Variants in EXOC6B observed in about 807,000 individuals in gnomAD.
The protein encoded by EXOC6B is exocyst complex component 6B, also known as SEC15 homolog B.
A neutral mutation model predicts 113.5 loss-of-function variants in EXOC6B; 54 were observed. The observed-to-expected ratio is 0.48, with a 90% confidence interval of 0.38 to 0.60. The LOEUF (loss-of-function observed/expected upper bound fraction) is 0.60, where lower values mean the gene tolerates loss of function less well. EXOC6B is among the 20% of genes least tolerant of loss of function. The pLI is 0.00. For synonymous variants in EXOC6B, 357 were observed against 339.0 expected, an observed-to-expected ratio of 1.05 and a Z score of -0.58; for missense variants, 797 against 977.5, an observed-to-expected ratio of 0.82 and a Z score of 2.46.
chr2:72,732,563 A>G (rs1187901739), intron 3 of EXOC6B, among the ~76,000 whole-genome samples: 1 of 152,208 alleles, frequency 6.6e-6, no homozygotes, highest in Non-Finnish European at 1.5e-5. Context: ...AAAGCAAACA[A>G]AAATTCCTAA....
intron 20 of EXOC6B, among the ~76,000 whole-genome samples, chr2:72,312,210 A>G (rs1231062850): frequency 6.6e-6 from 1 of 152,128 alleles, no homozygotes; most frequent in Non-Finnish European, 1.5e-5. Context: ...AGCTTGCAAC[A>G]TCTAGATGGT....
chr2:72,453,492 C>T (rs1025806423), intron 18 of EXOC6B, among the ~76,000 whole-genome samples: 1 of 152,064 alleles, frequency 6.6e-6, no homozygotes, highest in Non-Finnish European at 1.5e-5. Context: ...ACTTTTTTCT[C>T]ACTATGAACA....
At chr2:72,586,500 T>C (rs748193683) in intron 6 of EXOC6B, among the ~76,000 whole-genome samples, 4 of 151,960 alleles carry the variant, frequency 2.6e-5, no homozygotes, top group Non-Finnish European at 5.9e-5. Flanking sequence ...AGCCTGTAAT[T>C]CCAGCACTTT....
chr2:72,377,940 G>A (rs1290320172), intron 19 of EXOC6B, among the ~76,000 whole-genome samples: 2 of 148,666 alleles, frequency 1.3e-5, no homozygotes, highest in Non-Finnish European at 2.9e-5. Flanking sequence ...AACAACAAAT[G>A]TACATGATGA....
At chr2:72,802,486 A>C (rs1685341942) in intron 1 of EXOC6B, among the ~76,000 whole-genome samples, 1 of 152,154 alleles carries the variant, frequency 6.6e-6, no homozygotes, top group Non-Finnish European at 1.5e-5. Context: ...TATAAATTGA[A>C]CCATTTTAAA....
rs202201931 is a variant in EXOC6B, at chr2:72,495,436, T to C, written c.1547A>G (p.His516Arg). The change falls in exon 15 of 22, where the codon CAT becomes CGT. Residue 516 changes from histidine to arginine, a missense_variant. Physicochemically the swap from His to Arg is conservative, Grantham distance 29 (BLOSUM62 0). Transcript: ENST00000272427. ...YACLKFSEDL[H>R]LSSTEVDDMI... The stretch of plus-strand genomic sequence containing the variant: ...CTACTATTTTGTATTATACCTTAGA[T>C]GAAGATCTTCTGAAAACTTCAGACA... 2.2e-4 allele frequency: 339 copies of C among 1,521,836 alleles called. 1 individual carries two copies. The highest frequency in any genetic ancestry group is 2.7e-4 in the Non-Finnish European group (294 of 1,102,056). 94.3% of individuals were successfully genotyped at this position (1,521,836 alleles called of 1,614,324 possible).
chr2:72,476,004 G>A (rs1186100780), intron 17 of EXOC6B, among the ~76,000 whole-genome samples: 1 of 152,218 alleles, frequency 6.6e-6, no homozygotes, highest in Non-Finnish European at 1.5e-5. Context: ...CCAGGATAAT[G>A]CGCTATCTGT....
intron 18 of EXOC6B, among the ~76,000 whole-genome samples, chr2:72,437,461 A>C (rs540986735): frequency 6.6e-6 from 1 of 152,336 alleles, no homozygotes; most frequent in Admixed American, 6.5e-5. Flanking sequence ...CAGAGCTGGC[A>C]GGCAGGAATA....
At chr2:72,329,748 C>T (rs1688327919) in intron 20 of EXOC6B, among the ~76,000 whole-genome samples, 1 of 152,048 alleles carries the variant, frequency 6.6e-6, no homozygotes, top group African/African-American at 2.4e-5. Flanking sequence ...TCAAGTTTTC[C>T]TAACGGGTGT....
chr2:72,408,877 A>G (rs2105211012), intron 18 of EXOC6B, among the ~76,000 whole-genome samples: 1 of 152,366 alleles, frequency 6.6e-6, no homozygotes, highest in South Asian at 2.1e-4. Flanking sequence ...GGATCTCATT[A>G]AACTAAAGAG....
chr2:72,294,758 A>C (rs530016354), intron 20 of EXOC6B, among the ~76,000 whole-genome samples: 5 of 152,264 alleles, frequency 3.3e-5, no homozygotes, highest in African/African-American at 1.2e-4. Flanking sequence ...ATCTCAATTC[A>C]ATTTTTTAAA....
At chr2:72,499,250 A>T (rs1267423338) in intron 12 of EXOC6B, among the ~76,000 whole-genome samples, 1 of 149,978 alleles carries the variant, frequency 6.7e-6, no homozygotes, top group Non-Finnish European at 1.5e-5. Context: ...TTTTTTTTTA[A>T]GACAGAGTTT....
intron 1 of EXOC6B, among the ~76,000 whole-genome samples, chr2:72,821,765 G>C (rs1686593105): frequency 6.6e-6 from 1 of 152,116 alleles, no homozygotes; most frequent in Non-Finnish European, 1.5e-5. Flanking sequence ...CCAAACCCAT[G>C]AAGAAAAGTA....
At chr2:72,346,084 T>A (rs1380757026) in intron 19 of EXOC6B, among the ~76,000 whole-genome samples, 37 of 152,128 alleles carry the variant, frequency 2.4e-4, no homozygotes, top group Non-Finnish European at 1.5e-5. Flanking sequence ...TTTTTTTTAA[T>A]AGGAAATGTG....
chr2:72,778,561 A>ATG (rs1573781836), intron 1 of EXOC6B, among the ~76,000 whole-genome samples: 1 of 152,218 alleles, frequency 6.6e-6, no homozygotes, highest in East Asian at 1.9e-4. Context: ...CTAGTTACCA[A>ATG]AAAAGTACCA....
At chr2:72,582,798 G>GA (rs1705308178) in intron 6 of EXOC6B, among the ~76,000 whole-genome samples, 1 of 152,130 alleles carries the variant, frequency 6.6e-6, no homozygotes, top group East Asian at 1.9e-4. Context: ...AAAATTTAGG[G>GA]TTGGGGAGTG....
At chr2:72,749,942 T>C (rs1573735395) in intron 1 of EXOC6B, among the ~76,000 whole-genome samples, 1 of 151,960 alleles carries the variant, frequency 6.6e-6, no homozygotes, top group East Asian at 1.9e-4. Flanking sequence ...AGTAACCTCA[T>C]TTGTAGATGT....
At chr2:72,538,492 A>C (rs1362130723) in intron 8 of EXOC6B, among the ~76,000 whole-genome samples, 2 of 152,212 alleles carry the variant, frequency 1.3e-5, no homozygotes, top group African/African-American at 4.8e-5. Flanking sequence ...ATGCAAATCA[A>C]AATTATTAAT....
intron 8 of EXOC6B, among the ~76,000 whole-genome samples, chr2:72,529,507 T>C (rs1015811540): frequency 1.3e-5 from 2 of 152,232 alleles, no homozygotes; most frequent in Non-Finnish European, 2.9e-5. Context: ...CCTCCATTTC[T>C]GATTTCTGTA....
Sources: gnomAD v4.1 joint callset for allele counts (sites outside exome capture counted in the v4.1 genomes callset) on GRCh38, gnomAD v4.1.1 for gene constraint, MANE v1.5 for transcripts, NCBI Gene and HGNC (gene_info 2026-07-23, HGNC 2026-07-21) for gene names.